Variants in OR9Q1 observed in about 807,000 individuals in gnomAD.
OR9Q1 encodes the protein olfactory receptor 9Q1.
For missense variants in OR9Q1, 374 were observed against 378.8 expected, an observed-to-expected ratio of 0.99 and a Z score of 0.11; for synonymous variants, 153 against 148.6, an observed-to-expected ratio of 1.03 and a Z score of -0.22.
chr11:58,126,912 A>G (rs3853677), intron 2 of OR9Q1, among the ~76,000 whole-genome samples: 33,453 of 152,024 alleles, frequency 0.22, 4,809 homozygotes, highest in East Asian at 0.58. Context: ...GCTTTGATGT[A>G]TAACATAATC....
At position 58,179,514 on chromosome 11, in the gene OR9Q1, G is replaced by C. The variant is rs766357130; in HGVS notation, c.70G>C (p.Ala24Pro). Residue 24 changes from alanine to proline, a missense_variant, in exon 3 of 3, where the codon GCA becomes CCA. Coordinates refer to ENST00000335397, the MANE Select transcript of OR9Q1 (RefSeq NM_001005212.4). ...LIAFTEYPEW[A>P]LPLFLLFLFM... ...TGCATTCACTGAATATCCTGAATGG[G>C]CACTCCCTCTCTTCCTCTTGTTTTT... The C allele has an allele frequency of 6.2e-7, 1 of 1,609,166 alleles. No homozygotes were observed. Among genetic ancestry groups the C allele is most frequent in the Non-Finnish European group, 8.5e-7 (1 of 1,177,404 alleles).
chr11:58,090,967 T>A (rs1156445437), intron 2 of OR9Q1, among the ~76,000 whole-genome samples: 2 of 152,208 alleles, frequency 1.3e-5, no homozygotes, highest in African/African-American at 4.8e-5. Context: ...TAGTTTGTAT[T>A]TCTGTGGGAT....
intron 2 of OR9Q1, among the ~76,000 whole-genome samples, chr11:58,102,071 G>T (rs1053078850): frequency 5.3e-5 from 8 of 152,074 alleles, no homozygotes. Context: ...TACAGTTTTG[G>T]ATCTTAGATT....
intron 2 of OR9Q1, among the ~76,000 whole-genome samples, chr11:58,067,552 G>A (rs1433484898): frequency 6.6e-6 from 1 of 152,188 alleles, no homozygotes; most frequent in Non-Finnish European, 1.5e-5. Context: ...CACAGTCAAG[G>A]TTCCAGAAAG....
At chr11:58,090,496 G>A (rs865821664) in intron 2 of OR9Q1, among the ~76,000 whole-genome samples, 5 of 152,082 alleles carry the variant, frequency 3.3e-5, no homozygotes, top group Admixed American at 1.3e-4. Flanking sequence ...GTATGAAGTC[G>A]ACTTGATCGT....
chr11:58,125,232 A>G (rs1225819961), intron 2 of OR9Q1: 6 of 58,536 alleles, frequency 1.0e-4, no homozygotes, highest in Admixed American at 2.0e-4. Flanking sequence ...TTCCCCCCTT[A>G]CCCACCGCCC....
intron 1 of OR9Q1, chr11:58,031,748 A>G: frequency 6.2e-7 from 1 of 1,614,056 alleles, no homozygotes; most frequent in Non-Finnish European, 8.5e-7. Flanking sequence ...GTATGTCCAG[A>G]CCAAGGTGAC....
chr11:58,057,789 A>G (rs1321196848), intron 2 of OR9Q1: 1 of 152,104 alleles, frequency 6.6e-6, no homozygotes, highest in Non-Finnish European at 1.5e-5. Context: ...GGCAGTTTTG[A>G]TGTCATCACC....
chr11:58,171,814 A>T (rs1179145412), intron 2 of OR9Q1: 1 of 152,202 alleles, frequency 6.6e-6, no homozygotes, highest in Non-Finnish European at 1.5e-5. Context: ...TGTTCATGCA[A>T]ACTAGGCATG....
chr11:58,111,782 T>C (rs537061752), intron 2 of OR9Q1, among the ~76,000 whole-genome samples: 33 of 152,290 alleles, frequency 2.2e-4, no homozygotes, highest in African/African-American at 7.9e-4. Flanking sequence ...CTTTCTAGTA[T>C]AGACATCTTG....
chr11:58,177,031 A>G (rs1854612748), intron 2 of OR9Q1, among the ~76,000 whole-genome samples: 1 of 152,214 alleles, frequency 6.6e-6, no homozygotes, highest in Admixed American at 6.5e-5. Flanking sequence ...TCAGATCACC[A>G]GATCCAATTT....
chr11:58,079,206 C>T (rs1001403316), intron 2 of OR9Q1, among the ~76,000 whole-genome samples: 3 of 151,916 alleles, frequency 2.0e-5, no homozygotes, highest in African/African-American at 7.2e-5. Flanking sequence ...CTTTGGTGTA[C>T]CACCGCAACC....
chr11:58,119,182 C>G (rs1265418015), intron 2 of OR9Q1: 3 of 1,613,844 alleles, frequency 1.9e-6, no homozygotes, highest in African/African-American at 1.3e-5. Context: ...GACCGTTTTG[C>G]CTGTGGCCAA....
At chr11:58,118,536 C>T (rs757448772) in intron 2 of OR9Q1, 31 of 1,611,876 alleles carry the variant, frequency 1.9e-5, no homozygotes, top group South Asian at 1.4e-4. Flanking sequence ...TCCTAGCGAC[C>T]TTTCTGAAGG....
At chr11:58,080,707 T>C (rs1367755234) in intron 2 of OR9Q1, among the ~76,000 whole-genome samples, 1 of 152,182 alleles carries the variant, frequency 6.6e-6, no homozygotes, top group Non-Finnish European at 1.5e-5. Flanking sequence ...TGGTATCACA[T>C]TGAGGTTTTT....
At chr11:58,053,084 C>G (rs1342306093) in intron 1 of OR9Q1, among the ~76,000 whole-genome samples, 1 of 151,760 alleles carries the variant, frequency 6.6e-6, no homozygotes, top group African/African-American at 2.4e-5. Context: ...TTTGACCCAG[C>G]TATCCCATTA....
chr11:58,037,390 T>A (rs1853110022), intron 1 of OR9Q1, among the ~76,000 whole-genome samples: 1 of 151,948 alleles, frequency 6.6e-6, no homozygotes, highest in African/African-American at 2.4e-5. Flanking sequence ...ACCCACAATA[T>A]GTCTGGGGTA....
rs191235894 is a variant in OR9Q1, at chr11:58,175,902, G to C, written c.-14-3529G>C. Among the ~76,000 whole-genome samples the C allele has an allele frequency of 2.6e-5, 4 of 151,916 alleles. No individual in the cohort carries two copies. In the East Asian group the frequency reaches 7.7e-4, roughly 29 times the overall value. On this transcript the variant is annotated intron_variant, in intron 2 of 2. Transcript: ENST00000335397. ...GCTAAAACAATACTATTGTGTCAAA[G>C]ATGTAGAGAGCTGGCAAAAGCTATG...
intron 2 of OR9Q1, among the ~76,000 whole-genome samples, chr11:58,169,879 C>A (rs1854538991): frequency 6.6e-6 from 1 of 151,712 alleles, no homozygotes; most frequent in Admixed American, 6.6e-5. Context: ...TTCTTATTGC[C>A]ATTGCTCCTA....
Sources: gnomAD v4.1 joint callset for allele counts (sites outside exome capture counted in the v4.1 genomes callset) on GRCh38, gnomAD v4.1.1 for gene constraint, MANE v1.5 for transcripts, NCBI Gene and HGNC (gene_info 2026-07-23, HGNC 2026-07-21) for gene names.